The following ADAM22 variants were observed in gnomAD, a reference collection of about 807,000 sequenced individuals.
ADAM22 encodes ADAM metallopeptidase domain 22.
ADAM22 carries 65 observed loss-of-function variants against 144.6 expected under a neutral mutation model. That is an observed-to-expected ratio of 0.45 (90% confidence interval 0.37 to 0.55). The LOEUF (loss-of-function observed/expected upper bound fraction) is 0.55. Ranked by LOEUF, ADAM22 falls within the 20% of genes least tolerant of loss-of-function variation. The probability of loss-of-function intolerance (pLI) is 0.00; values close to 1 mark genes in which losing one functional copy is unlikely to be tolerated. For synonymous variants in ADAM22, 391 were observed against 412.6 expected (o/e 0.95, Z 0.63); for missense variants, 974 against 1,184.9 (o/e 0.82, Z 2.61).
At chr7:87,970,639 G>C (rs1850209907) in intron 2 of ADAM22, among the ~76,000 whole-genome samples, 1 of 152,128 alleles carries the variant, frequency 6.6e-6, no homozygotes, top group Non-Finnish European at 1.5e-5. Context: ...TTTGATCTCT[G>C]GGATAGGTAG....
At chr7:87,978,518 G>C in intron 3 of ADAM22, 106 bp downstream of exon 3, 1 of 812,264 alleles carries the variant, frequency 1.2e-6, no homozygotes, top group South Asian at 1.7e-5. Flanking sequence ...TTCCTATACC[G>C]GTTAAATACT....
At position 87,942,602 on chromosome 7, in the gene ADAM22, G is replaced by A. The variant is rs558216874; in HGVS notation, c.246+7416G>A. On this transcript the variant is annotated intron_variant, in intron 2 of 31. Transcript: ENST00000413139. ...ATATACATTTTAAAGTTAGACAATA[G>A]TGAAGAAGCTTGCAGAGCACAACAG... Among the ~76,000 whole-genome samples the A allele has an allele frequency of 2.0e-5, 3 of 152,278 alleles. No individual in the cohort carries two copies. In the South Asian group the frequency reaches 6.2e-4, roughly 32 times the overall value.
chr7:88,050,702 GGTT>G (rs1344222219), intron 3 of ADAM22, among the ~76,000 whole-genome samples: 1 of 151,876 alleles, frequency 6.6e-6, no homozygotes, highest in Non-Finnish European at 1.5e-5. Context: ...TTTTTGATGG[GGTT>G]GTTTGTTTTT....
chr7:88,011,971 T>C (rs1795530927), intron 3 of ADAM22, among the ~76,000 whole-genome samples: 1 of 152,170 alleles, frequency 6.6e-6, no homozygotes, highest in Admixed American at 6.5e-5. Flanking sequence ...ATTCTAATTA[T>C]GCATAAGTCA....
intron 3 of ADAM22, among the ~76,000 whole-genome samples, chr7:88,069,490 A>G (rs1049359444): frequency 1.3e-5 from 2 of 152,184 alleles, no homozygotes; most frequent in African/African-American, 4.8e-5. Context: ...ATTCAAGGGG[A>G]GAAGAAATGA....
chr7:88,065,222 C>G (rs1388503841), intron 3 of ADAM22, among the ~76,000 whole-genome samples: 2 of 151,920 alleles, frequency 1.3e-5, no homozygotes, highest in Non-Finnish European at 2.9e-5. Flanking sequence ...TACATTCTCT[C>G]TATATAATTT....
intron 3 of ADAM22, among the ~76,000 whole-genome samples, chr7:88,033,114 G>A (rs1456117702): frequency 1.3e-5 from 2 of 152,222 alleles, no homozygotes; most frequent in Non-Finnish European, 2.9e-5. Flanking sequence ...ATTGGTTTCT[G>A]GGTGTGGAAG....
intron 3 of ADAM22, among the ~76,000 whole-genome samples, chr7:88,002,649 A>G (rs1792852852): frequency 6.6e-6 from 1 of 152,244 alleles, no homozygotes; most frequent in Admixed American, 6.5e-5. Context: ...GGGAGATTAT[A>G]TTTAATAAGC....
chr7:88,079,917 T>C (rs1333472275), intron 4 of ADAM22, among the ~76,000 whole-genome samples: 2 of 152,142 alleles, frequency 1.3e-5, no homozygotes, highest in Non-Finnish European at 2.9e-5. Flanking sequence ...AACACCCCAC[T>C]GTCAACATCA....
intron 3 of ADAM22, among the ~76,000 whole-genome samples, chr7:87,979,118 T>C (rs1458642669): frequency 6.6e-6 from 1 of 152,188 alleles, no homozygotes; most frequent in East Asian, 1.9e-4. Flanking sequence ...CCTATGCTTC[T>C]GAGCTGGGCA....
intron 27 of ADAM22, among the ~76,000 whole-genome samples, chr7:88,179,432 TTAAA>T (rs1170205723): frequency 6.6e-6 from 1 of 152,092 alleles, no homozygotes; most frequent in Non-Finnish European, 1.5e-5. Flanking sequence ...AAAGCAACTG[TTAAA>T]TAAATTGGTG....
chr7:88,117,860 A>G (rs1210707253), intron 7 of ADAM22, among the ~76,000 whole-genome samples: 2 of 151,796 alleles, frequency 1.3e-5, no homozygotes, highest in Non-Finnish European at 2.9e-5. Context: ...CGCCTGGCTA[A>G]TTTTTGTATT....
chr7:88,076,188 C>T (rs1814436163), intron 4 of ADAM22, among the ~76,000 whole-genome samples: 2 of 152,048 alleles, frequency 1.3e-5, no homozygotes. Context: ...CAGGCGCCTG[C>T]CACCACACCT....
intron 13 of ADAM22, among the ~76,000 whole-genome samples, chr7:88,135,277 CAAAAAAAA>C (rs55721029): frequency 8.3e-5 from 5 of 60,478 alleles, no homozygotes; most frequent in East Asian, 1.1e-3. Context: ...GACTCCATCT[CAAAAAAAA>C]AAAAAAAAAA....
intron 3 of ADAM22, among the ~76,000 whole-genome samples, chr7:88,032,533 G>A (rs777481695): frequency 6.6e-6 from 1 of 152,208 alleles, no homozygotes; most frequent in Admixed American, 6.5e-5. Context: ...TGTCTCAGAT[G>A]TGACTTTGGA....
intron 3 of ADAM22, among the ~76,000 whole-genome samples, chr7:87,979,357 C>T (rs544605943): frequency 1.3e-5 from 2 of 152,310 alleles, no homozygotes; most frequent in African/African-American, 4.8e-5. Flanking sequence ...TACATTAATT[C>T]ATTCAAATAA....
chr7:87,942,264 T>C (rs74856081), intron 2 of ADAM22, among the ~76,000 whole-genome samples: 2 of 152,196 alleles, frequency 1.3e-5, no homozygotes, highest in African/African-American at 4.8e-5. Flanking sequence ...TAGCTAAATA[T>C]ATGGTAACTT....
At chr7:88,114,148 G>A (rs931134318) in intron 5 of ADAM22, among the ~76,000 whole-genome samples, 8 of 152,134 alleles carry the variant, frequency 5.3e-5, no homozygotes, top group African/African-American at 1.7e-4. Context: ...ATGGTAGGTC[G>A]GGCGTTCTCA....
At chr7:88,065,213 A>G (rs559960377) in intron 3 of ADAM22, among the ~76,000 whole-genome samples, 1 of 152,168 alleles carries the variant, frequency 6.6e-6, no homozygotes, top group East Asian at 1.9e-4. Flanking sequence ...TATAATTGTT[A>G]CATTCTCTCT....
Sources: allele counts gnomAD v4.1 joint callset (sites outside exome capture counted in the v4.1 genomes callset), GRCh38; gene constraint gnomAD v4.1.1; transcripts MANE v1.5; gene names NCBI Gene and HGNC (gene_info 2026-07-23, HGNC 2026-07-21).